Variants in FAM107B observed in about 807,000 individuals in gnomAD.
FAM107B encodes the protein protein FAM107B.
In FAM107B, 21 loss-of-function variants were observed where a neutral mutation model predicts 31.5. The ratio of observed to expected loss-of-function variants is 0.67; its 90% CI spans 0.47 to 0.96. The LOEUF (loss-of-function observed/expected upper bound fraction) is 0.96. FAM107B is among the 40% of genes least tolerant of loss of function. The probability of loss-of-function intolerance (pLI) is 0.00; values close to 1 mark genes in which losing one functional copy is unlikely to be tolerated. For missense variants in FAM107B, 452 were observed against 377.1 expected (o/e 1.20, Z -1.64); for synonymous variants, 157 against 141.5 (o/e 1.11, Z -0.78).
intron 2 of FAM107B, among the ~76,000 whole-genome samples, chr10:14,551,824 A>G (rs1400621323): frequency 2.0e-5 from 3 of 152,020 alleles, no homozygotes; most frequent in Non-Finnish European, 4.4e-5. Flanking sequence ...AATAGTCCCT[A>G]TTTGTACCTT....
At chr10:14,725,356 T>C (rs532797661) in intron 1 of FAM107B, among the ~76,000 whole-genome samples, 116 of 152,332 alleles carry the variant, frequency 7.6e-4, no homozygotes, top group African/African-American at 2.4e-3. Context: ...GCAAGGTTTG[T>C]AAACCACAGA....
At chr10:14,746,367 T>C (rs940908586) in intron 1 of FAM107B, among the ~76,000 whole-genome samples, 1 of 152,212 alleles carries the variant, frequency 6.6e-6, no homozygotes. Flanking sequence ...TGCAGACTTG[T>C]TGAGTAGTTG....
chr10:14,616,087 C>T (rs1852842620), intron 2 of FAM107B, among the ~76,000 whole-genome samples: 1 of 151,826 alleles, frequency 6.6e-6, no homozygotes, highest in Admixed American at 6.6e-5. Flanking sequence ...TGGATATGTC[C>T]CTGCTATGTT....
At chr10:14,630,490 G>A (rs545415219) in intron 2 of FAM107B, among the ~76,000 whole-genome samples, 1 of 151,844 alleles carries the variant, frequency 6.6e-6, no homozygotes, top group Non-Finnish European at 1.5e-5. Flanking sequence ...TCAAAACTAT[G>A]TTTTGAAGTT....
At chr10:14,774,201 A>T in intron 1 of FAM107B, 52 bp downstream of exon 1, 1 of 1,551,146 alleles carries the variant, frequency 6.4e-7, no homozygotes, top group East Asian at 2.3e-5. Flanking sequence ...CATGATCCCA[A>T]CGCTCCTCCA....
chr10:14,671,887 A>AAC (rs1854561789), intron 1 of FAM107B, among the ~76,000 whole-genome samples: 1 of 148,334 alleles, frequency 6.7e-6, no homozygotes, highest in South Asian at 2.2e-4. Flanking sequence ...AAAAAAAACA[A>AAC]AAAAACAAAA....
chr10:14,555,894 A>ACACACACACACACAC (rs112020800), intron 2 of FAM107B: 7 of 148,088 alleles, frequency 4.7e-5, no homozygotes, highest in African/African-American at 1.8e-4. Context: ...AGACATCTTT[A>ACACACACACACACAC]ACACACACAC....
chr10:14,747,758 G>A (rs919878214), intron 1 of FAM107B, among the ~76,000 whole-genome samples: 2 of 152,226 alleles, frequency 1.3e-5, no homozygotes, highest in Admixed American at 1.3e-4. Flanking sequence ...CCTGTTGGGG[G>A]TGTCTCACCC....
intron 2 of FAM107B, among the ~76,000 whole-genome samples, chr10:14,632,325 A>G (rs1853378465): frequency 6.7e-6 from 1 of 148,260 alleles, no homozygotes; most frequent in African/African-American, 2.5e-5. Flanking sequence ...AAAAAAAAAA[A>G]AAAATGCCGG....
chr10:14,733,833 C>T (rs1431534554), intron 1 of FAM107B, among the ~76,000 whole-genome samples: 2 of 152,232 alleles, frequency 1.3e-5, no homozygotes, highest in Non-Finnish European at 2.9e-5. Flanking sequence ...GCAAACCACA[C>T]TGCTTCTCCA....
intron 1 of FAM107B, among the ~76,000 whole-genome samples, chr10:14,755,621 T>A (rs1267573264): frequency 1.3e-5 from 2 of 152,174 alleles, no homozygotes; most frequent in African/African-American, 4.8e-5. Context: ...AACTATTCTC[T>A]CTAGAAATCT....
At chr10:14,572,074 T>C in intron 2 of FAM107B, 3 of 985,452 alleles carry the variant, frequency 3.0e-6, no homozygotes, top group African/African-American at 3.5e-5. Flanking sequence ...ACTCTCTTTC[T>C]GGATATCAAA....
chr10:14,710,925 T>A (rs1335183465), intron 1 of FAM107B, among the ~76,000 whole-genome samples: 1 of 152,112 alleles, frequency 6.6e-6, no homozygotes, highest in Non-Finnish European at 1.5e-5. Flanking sequence ...AAATAATTTT[T>A]TTTTTGAGAT....
intron 1 of FAM107B, among the ~76,000 whole-genome samples, chr10:14,725,728 A>T (rs972537576): frequency 1.3e-5 from 2 of 151,840 alleles, no homozygotes; most frequent in African/African-American, 4.8e-5. Flanking sequence ...ATCTAAACCT[A>T]ATTATCTTCC....
At chr10:14,522,285 G>A (rs924427800) in intron 3 of FAM107B, 23 of 419,882 alleles carry the variant, frequency 5.5e-5, no homozygotes, top group African/African-American at 3.8e-4. Context: ...ACTAGGCTAC[G>A]CAAAGGAGGG....
intron 2 of FAM107B, 57 bp from the exon 3 acceptor site, chr10:14,530,572 A>C (rs1330200023): frequency 6.5e-7 from 1 of 1,535,372 alleles, no homozygotes; most frequent in East Asian, 2.2e-5. Context: ...CTTTTCCCAC[A>C]CATGCAGAGG....
chr10:14,762,801 C>CAAAAAA (rs1554757453), intron 1 of FAM107B, among the ~76,000 whole-genome samples: 1 of 141,140 alleles, frequency 7.1e-6, no homozygotes, highest in African/African-American at 2.6e-5. Flanking sequence ...CACACACACA[C>CAAAAAA]AAAAAGAACA....
chr10:14,723,539 A>T, intron 1 of FAM107B: 1 of 639,072 alleles, frequency 1.6e-6, no homozygotes, highest in South Asian at 1.6e-5. Context: ...CACCACATCA[A>T]ACCCACTGTG....
intron 2 of FAM107B, among the ~76,000 whole-genome samples, chr10:14,591,029 T>C (rs867443232): frequency 1.3e-5 from 2 of 151,128 alleles, no homozygotes; most frequent in Non-Finnish European, 3.0e-5. Flanking sequence ...TTCTTCCGTA[T>C]GTTTGCAGAA....
Sources: allele counts gnomAD v4.1 joint callset (sites outside exome capture counted in the v4.1 genomes callset), GRCh38; gene constraint gnomAD v4.1.1; transcripts MANE v1.5; gene names NCBI Gene and HGNC (gene_info 2026-07-23, HGNC 2026-07-21).